ARHGAP15: variants seen among roughly 807,000 people sequenced by gnomAD.
ARHGAP15 encodes the protein Rho GTPase activating protein 15.
In ARHGAP15, 51 loss-of-function variants were observed where a neutral mutation model predicts 63.7. The observed-to-expected ratio is 0.80, with a 90% CI of 0.64 to 1.01. The LOEUF (loss-of-function observed/expected upper bound fraction) is 1.01. Ranked by LOEUF, ARHGAP15 falls within the 50% of genes least tolerant of loss-of-function variation. The pLI, the probability that ARHGAP15 is intolerant of heterozygous loss-of-function variation, is 0.00. For missense variants in ARHGAP15, 560 were observed against 564.6 expected, an observed-to-expected ratio of 0.99 and a Z score of 0.08; for synonymous variants, 191 against 193.8, an observed-to-expected ratio of 0.99 and a Z score of 0.12.
chr2:143,415,272 A>AG (rs1409051829), intron 6 of ARHGAP15, among the ~76,000 whole-genome samples: 1 of 152,172 alleles, frequency 6.6e-6, no homozygotes, highest in Non-Finnish European at 1.5e-5. Flanking sequence ...CAATAGAAAT[A>AG]GATTATCATA....
At chr2:143,346,376 G>T (rs1375261451) in intron 6 of ARHGAP15, among the ~76,000 whole-genome samples, 1 of 151,576 alleles carries the variant, frequency 6.6e-6, no homozygotes, top group East Asian at 1.9e-4. Context: ...TTCCATCTTT[G>T]AAACACCATG....
chr2:143,416,845 GCCCCCACGCCCCCA>G (rs1688711007), intron 6 of ARHGAP15, among the ~76,000 whole-genome samples: 1 of 44,342 alleles, frequency 2.3e-5, no homozygotes, highest in South Asian at 8.3e-4. Context: ...ACGCCCCCAC[GCCCCCACGCCCCCA>G]ACACCACTCC....
chr2:143,475,190 G>C lies in ARHGAP15; in HGVS notation c.704-12183G>C, dbSNP rs554937708. ...ATTATGATTATTGCAATAGAGCCAAGTATTCACCGGGCTCCAGCTAGATCT... is the reference window on the plus strand; with the variant it reads ...ATTATGATTATTGCAATAGAGCCAACTATTCACCGGGCTCCAGCTAGATCT... On this transcript the variant is annotated intron_variant, in intron 8 of 13. Coordinates refer to ENST00000295095, the MANE Select transcript of ARHGAP15 (RefSeq NM_018460.4). 4.6e-5 allele frequency among the ~76,000 whole-genome samples: 7 copies of C among 152,332 alleles called. No homozygotes were observed. The East Asian group carries it at 1.3e-3, about 29-fold the overall frequency.
intron 4 of ARHGAP15, among the ~76,000 whole-genome samples, chr2:143,224,988 G>C (rs1256381673): frequency 6.6e-6 from 1 of 152,140 alleles, no homozygotes; most frequent in Non-Finnish European, 1.5e-5. Context: ...AGTGGGAGTT[G>C]AACAGTATAT....
chr2:143,583,981 T>G (rs1030960639), intron 11 of ARHGAP15, among the ~76,000 whole-genome samples: 3 of 152,218 alleles, frequency 2.0e-5, no homozygotes, highest in East Asian at 3.8e-4. Flanking sequence ...TTTGGAATTT[T>G]AAAATGGAAA....
rs563294517 is a variant in ARHGAP15, at chr2:143,342,062, C to G, written c.474+91462C>G. ...GCATTAATGGTAGAATTGGAGACAA[C>G]TCCATATTTGTTTTCAAATACCACA... On this transcript the variant is annotated intron_variant, in intron 6 of 13. Coordinates refer to ENST00000295095, the MANE Select transcript of ARHGAP15 (RefSeq NM_018460.4). Among the ~76,000 whole-genome samples, 3 of 152,206 alleles carry G rather than the reference C, an allele frequency of 2.0e-5. No individual in the cohort carries two copies. In the South Asian group the frequency reaches 6.2e-4, roughly 31 times the overall value.
chr2:143,654,320 C>G (rs1278569344), intron 12 of ARHGAP15, among the ~76,000 whole-genome samples: 3 of 152,056 alleles, frequency 2.0e-5, no homozygotes. Context: ...TAAATTGGCT[C>G]TTTGATGATT....
intron 11 of ARHGAP15, among the ~76,000 whole-genome samples, chr2:143,579,710 T>C (rs1696816018): frequency 6.6e-6 from 1 of 151,478 alleles, no homozygotes; most frequent in African/African-American, 2.4e-5. Context: ...AGAATAGTGC[T>C]GATCATGCAA....
intron 6 of ARHGAP15, among the ~76,000 whole-genome samples, chr2:143,362,840 A>G (rs975080353): frequency 3.9e-5 from 6 of 152,136 alleles, no homozygotes; most frequent in Non-Finnish European, 7.4e-5. Flanking sequence ...CCACCTGAAC[A>G]CATCTGCTTT....
chr2:143,142,819 G>A (rs368312824), intron 1 of ARHGAP15, among the ~76,000 whole-genome samples: 5 of 152,110 alleles, frequency 3.3e-5, no homozygotes, highest in South Asian at 2.1e-4. Context: ...ATTTCATCAC[G>A]TTTTCTCCTT....
At chr2:143,727,095 A>G (rs1406063856) in intron 13 of ARHGAP15, among the ~76,000 whole-genome samples, 1 of 152,182 alleles carries the variant, frequency 6.6e-6, no homozygotes, top group Non-Finnish European at 1.5e-5. Context: ...TTTGCCTTCC[A>G]ACTCCACTGA....
At chr2:143,199,719 G>A (rs1692029871) in intron 2 of ARHGAP15, among the ~76,000 whole-genome samples, 1 of 152,036 alleles carries the variant, frequency 6.6e-6, no homozygotes, top group Non-Finnish European at 1.5e-5. Context: ...GAGAAATGTA[G>A]CATCTAGAAA....
chr2:143,257,385 A>G (rs144583516), intron 6 of ARHGAP15, among the ~76,000 whole-genome samples: 174 of 152,222 alleles, frequency 1.1e-3, no homozygotes, highest in African/African-American at 4.1e-3. Context: ...AAAAAAGTCA[A>G]CTTGGCTTCT....
chr2:143,745,141 T>A (rs1199350985), intron 13 of ARHGAP15, among the ~76,000 whole-genome samples: 2 of 152,228 alleles, frequency 1.3e-5, no homozygotes, highest in Non-Finnish European at 2.9e-5. Context: ...AGCTTGCCTC[T>A]CAAGTTCGCA....
At chr2:143,367,302 C>T (rs1303783233) in intron 6 of ARHGAP15, among the ~76,000 whole-genome samples, 1 of 151,982 alleles carries the variant, frequency 6.6e-6, no homozygotes, top group Non-Finnish European at 1.5e-5. Context: ...GTTCTGACCT[C>T]TTGCCCTTCC....
chr2:143,605,858 C>CAA lies in ARHGAP15; in HGVS notation c.1004-18248_1004-18247dup, dbSNP rs373847590. On this transcript the variant is annotated intron_variant, in intron 11 of 13. Coordinates refer to ENST00000295095, the MANE Select transcript of ARHGAP15 (RefSeq NM_018460.4). ...GTGAAACCCTGTCTCTACTAAAATACAAAAAAAAAAAAAAAAAAAAAAAAA... is the reference window on the plus strand; with the variant it reads ...GTGAAACCCTGTCTCTACTAAAATACAAAAAAAAAAAAAAAAAAAAAAAAAAA... Among the ~76,000 whole-genome samples the CAA allele has an allele frequency of 1.3e-3, 111 of 85,296 alleles. 1 individual carries two copies. The highest frequency in any genetic ancestry group is 4.0e-3 in the African/African-American group (101 of 25,564). 56.0% of individuals were successfully genotyped at this position (85,296 alleles called of 152,430 possible). A position where few individuals can be genotyped will look rare whatever the true frequency, so the allele number is the denominator to read the frequency against.
chr2:143,382,093 C>T (rs1687081224), intron 6 of ARHGAP15, among the ~76,000 whole-genome samples: 2 of 28,340 alleles, frequency 7.1e-5, no homozygotes, highest in South Asian at 1.2e-3. Flanking sequence ...TTCCTTCCTT[C>T]CTCCCTCCCT....
intron 6 of ARHGAP15, among the ~76,000 whole-genome samples, chr2:143,422,459 G>C (rs1168507582): frequency 6.6e-6 from 1 of 152,110 alleles, no homozygotes; most frequent in African/African-American, 2.4e-5. Flanking sequence ...AAAAGTTTGA[G>C]CTGATAATAT....
intron 9 of ARHGAP15, among the ~76,000 whole-genome samples, chr2:143,510,061 C>T (rs1439042776): frequency 3.0e-5 from 4 of 133,134 alleles, no homozygotes; most frequent in Admixed American, 7.6e-5. Context: ...AAACACCATG[C>T]TTTGATAAGC....
Sources: allele counts gnomAD v4.1 joint callset (sites outside exome capture counted in the v4.1 genomes callset), GRCh38; gene constraint gnomAD v4.1.1; transcripts MANE v1.5; gene names NCBI Gene and HGNC (gene_info 2026-07-23, HGNC 2026-07-21).